Variants in NMNAT2 observed in about 807,000 individuals in gnomAD.
NMNAT2 encodes nicotinamide/nicotinic acid mononucleotide adenylyltransferase 2.
A neutral mutation model predicts 41.6 loss-of-function variants in NMNAT2; 11 were observed. That is an observed-to-expected ratio of 0.26 (90% CI 0.17 to 0.44). The LOEUF is 0.44. Among genes scored for constraint, NMNAT2 ranks in the 20% least tolerant of loss-of-function variants. The pLI, the probability that NMNAT2 is intolerant of heterozygous loss-of-function variation, is 1.00. For missense variants in NMNAT2, 288 were observed against 407.7 expected, an observed-to-expected ratio of 0.71 and a Z score of 2.53; for synonymous variants, 148 against 151.2, an observed-to-expected ratio of 0.98 and a Z score of 0.16.
chr1:183,303,197 C>T (rs1290288099), intron 1 of NMNAT2, among the ~76,000 whole-genome samples: 1 of 152,118 alleles, frequency 6.6e-6, no homozygotes, highest in African/African-American at 2.4e-5. Flanking sequence ...GTCTCACCCT[C>T]CCCCACACAG....
Position 183,286,725 on chromosome 1 carries a change from G to A in NMNAT2, c.385C>T (p.Pro129Ser). ...ATGGGCTGGGGGGTCTCGTTTTGTGGCTGTCCGATCACAGGTGTCATGGAA... is the reference window on the plus strand; with the variant it reads ...ATGGGCTGGGGGGTCTCGTTTTGTGACTGTCCGATCACAGGTGTCATGGAA... ...TPSMTPVIGQ[P>S]QNETPQPIYQ... Residue 129 changes from proline (P) to serine (S), a missense_variant, in exon 5 of 11, where the codon CCA becomes TCA. By Grantham distance (74) the Pro-to-Ser change is moderately conservative. Around this residue, in one of 3 missense-constraint regions of NMNAT2, gnomAD observed 181 missense variants for 213.7 expected, o/e 0.85. Transcript: ENST00000287713. 2.0e-5 allele frequency: 32 copies of A among 1,612,360 alleles called. No homozygotes were observed. Among genetic ancestry groups the A allele is most frequent in the Non-Finnish European group, 2.6e-5 (31 of 1,179,316 alleles).
chr1:183,418,358 C>G lies in NMNAT2; in HGVS notation c.-91G>C. 2 of 1,283,972 alleles carry G rather than the reference C, an allele frequency of 1.6e-6. No individual in the cohort carries two copies. The highest frequency in any genetic ancestry group is 2.3e-6 in the Non-Finnish European group (2 of 885,568). 79.5% of individuals were successfully genotyped at this position (1,283,972 alleles called of 1,614,324 possible). A position where few individuals can be genotyped will look rare whatever the true frequency, so the allele number is the denominator to read the frequency against. On this transcript the variant is annotated 5_prime_UTR_variant, in exon 1 of 11. Coordinates refer to ENST00000287713, the MANE Select transcript of NMNAT2 (RefSeq NM_015039.4). ...AGAGGGAGAAAGGAAGGCGAGGCTC[C>G]GGCGGTGGATGCTGTGGACTCCAAG... is the stretch of plus-strand genomic sequence containing the variant.
chr1:183,367,080 G>A (rs1663429556), intron 1 of NMNAT2, among the ~76,000 whole-genome samples: 1 of 152,172 alleles, frequency 6.6e-6, no homozygotes, highest in Admixed American at 6.5e-5. Flanking sequence ...TCCACCCTAA[G>A]GAATGGAGAT....
At chr1:183,262,515 C>T (rs1660687974) in intron 8 of NMNAT2, among the ~76,000 whole-genome samples, 2 of 152,108 alleles carry the variant, frequency 1.3e-5, no homozygotes, top group South Asian at 2.1e-4. Flanking sequence ...TATTTGAAAA[C>T]ATAACCTTTA....
chr1:183,354,782 C>G (rs1663147458), intron 1 of NMNAT2, among the ~76,000 whole-genome samples: 1 of 152,130 alleles, frequency 6.6e-6, no homozygotes, highest in Non-Finnish European at 1.5e-5. Context: ...GTTTTATATT[C>G]AAACAATATC....
intron 1 of NMNAT2, among the ~76,000 whole-genome samples, chr1:183,338,847 G>C (rs184200014): frequency 4.4e-4 from 67 of 152,278 alleles, no homozygotes; most frequent in African/African-American, 1.5e-3. Flanking sequence ...GAAGCAACTA[G>C]AAACTGTCCT....
At chr1:183,414,211 A>G (rs1039589968) in intron 1 of NMNAT2, among the ~76,000 whole-genome samples, 2 of 152,212 alleles carry the variant, frequency 1.3e-5, no homozygotes, top group Admixed American at 6.5e-5. Flanking sequence ...GCAGGAAGCC[A>G]TGACCCTGCT....
At chr1:183,341,686 A>AG (rs1553216774) in intron 1 of NMNAT2, among the ~76,000 whole-genome samples, 244 of 15,178 alleles carry the variant, frequency 0.016, 2 homozygotes, top group African/African-American at 0.045. Context: ...GAAAAAAAAA[A>AG]AGAGAGAGAG....
chr1:183,320,460 G>T (rs370677956), intron 1 of NMNAT2, among the ~76,000 whole-genome samples: 1 of 152,150 alleles, frequency 6.6e-6, no homozygotes, highest in Non-Finnish European at 1.5e-5. Context: ...CAAAAAATGA[G>T]CCAGGTGTGG....
chr1:183,311,501 A>G (rs1488732073), intron 1 of NMNAT2, among the ~76,000 whole-genome samples: 1 of 152,128 alleles, frequency 6.6e-6, no homozygotes, highest in African/African-American at 2.4e-5. Flanking sequence ...TTCTCCTGAA[A>G]GTGAAAATGG....
chr1:183,379,513 A>G (rs554927515), intron 1 of NMNAT2, among the ~76,000 whole-genome samples: 4 of 152,330 alleles, frequency 2.6e-5, no homozygotes, highest in Admixed American at 1.3e-4. Context: ...AGATATAGAT[A>G]GGTTAAAAGT....
At chr1:183,283,596 C>T (rs1661323598) in intron 7 of NMNAT2, 1 of 315,544 alleles carries the variant, frequency 3.2e-6, no homozygotes, top group Admixed American at 4.5e-5. Flanking sequence ...GCTTTCAGTC[C>T]CCTCTCTGTT....
chr1:183,293,813 C>T lies in NMNAT2; in HGVS notation c.86-20G>A. 1.3e-6 allele frequency: 2 copies of T among 1,557,888 alleles called. No individual in the cohort carries two copies. Among genetic ancestry groups the T allele is most frequent in the Non-Finnish European group, 1.8e-6 (2 of 1,128,936 alleles). ...CTCTTTCTAATTAAGAGAAGAAACC[C>T]ACACATTATAAAGAGGAAAGGCATG... On this transcript the variant is annotated intron_variant, in intron 1 of 10. Coordinates refer to ENST00000287713, the MANE Select transcript of NMNAT2 (RefSeq NM_015039.4).
intron 4 of NMNAT2, among the ~76,000 whole-genome samples, chr1:183,287,119 G>T (rs1661420732): frequency 6.6e-6 from 1 of 152,056 alleles, no homozygotes; most frequent in African/African-American, 2.4e-5. Flanking sequence ...TTTCAGTTGT[G>T]GTCGGGTCAC....
chr1:183,377,963 T>TA (rs553142331), intron 1 of NMNAT2, among the ~76,000 whole-genome samples: 1 of 151,998 alleles, frequency 6.6e-6, no homozygotes, highest in Non-Finnish European at 1.5e-5. Context: ...GAAACAGAGA[T>TA]AAAAATGTTA....
At chr1:183,303,014 GT>G (rs1164439072) in intron 1 of NMNAT2, among the ~76,000 whole-genome samples, 2 of 151,660 alleles carry the variant, frequency 1.3e-5, no homozygotes, top group African/African-American at 4.8e-5. Context: ...CTAAAAAATA[GT>G]AAAACCTCAA....
chr1:183,323,448 C>G (rs1246678379), intron 1 of NMNAT2, among the ~76,000 whole-genome samples: 1 of 152,168 alleles, frequency 6.6e-6, no homozygotes, highest in Middle Eastern at 3.2e-3. Context: ...TTCAAGTGAC[C>G]CTATGTCTTG....
At chr1:183,345,755 C>T (rs1015571952) in intron 1 of NMNAT2, among the ~76,000 whole-genome samples, 2 of 151,082 alleles carry the variant, frequency 1.3e-5, no homozygotes, top group Admixed American at 6.6e-5. Flanking sequence ...GGCGCGATCT[C>T]GGCTCACTGC....
Position 183,401,601 on chromosome 1 carries a change from A to C in NMNAT2, c.85+16582T>G, listed in dbSNP as rs1464235181. Among the ~76,000 whole-genome samples the C allele has an allele frequency of 1.3e-5, 2 of 152,186 alleles. 1 individual carries two copies. ...AAGGAATATAAATTATGCTGCTATA[A>C]AGACACATGCACAAGTATGTTTATT... is the stretch of plus-strand genomic sequence containing the variant. On this transcript the variant is annotated intron_variant, in intron 1 of 10. Transcript: ENST00000287713.
Sources: allele counts gnomAD v4.1 joint callset (sites outside exome capture counted in the v4.1 genomes callset), GRCh38; gene constraint gnomAD v4.1.1; regional missense constraint gnomAD v4.1.1; transcripts MANE v1.5; gene names NCBI Gene and HGNC (gene_info 2026-07-23, HGNC 2026-07-21).